Variants in CCDC60 observed in about 807,000 individuals in gnomAD.
CCDC60 encodes coiled-coil domain containing 60, also known as coiled-coil domain-containing protein 60.
In CCDC60, 54 loss-of-function variants were observed where a neutral mutation model predicts 63.5. That is an observed-to-expected ratio of 0.85 (90% CI 0.68 to 1.07). The LOEUF (loss-of-function observed/expected upper bound fraction) is 1.07, where lower values mean the gene tolerates loss of function less well. CCDC60 is among the 50% of genes least tolerant of loss of function. CCDC60 has a pLI of 0.00. For missense variants in CCDC60, 651 were observed against 684.3 expected (o/e 0.95, Z 0.54); for synonymous variants, 206 against 238.8 (o/e 0.86, Z 1.27).
chr12:119,393,537 G>T (rs1184459624), intron 1 of CCDC60, among the ~76,000 whole-genome samples: 1 of 152,192 alleles, frequency 6.6e-6, no homozygotes, highest in Admixed American at 6.5e-5. Context: ...GCATTAAACA[G>T]GGAGCATGTT....
chr12:119,517,164 T>A (rs76981158), intron 8 of CCDC60, among the ~76,000 whole-genome samples: 5 of 151,996 alleles, frequency 3.3e-5, no homozygotes, highest in South Asian at 2.1e-4. Flanking sequence ...ATTTTTTTTT[T>A]ATTATTATTT....
chr12:119,496,364 G>A (rs910882937), intron 5 of CCDC60, among the ~76,000 whole-genome samples: 3 of 152,190 alleles, frequency 2.0e-5, no homozygotes, highest in South Asian at 2.1e-4. Context: ...TGTGCTTGGC[G>A]GATATAGTTA....
At chr12:119,345,132 G>C (rs1955577561) in intron 1 of CCDC60, among the ~76,000 whole-genome samples, 1 of 152,128 alleles carries the variant, frequency 6.6e-6, no homozygotes. Context: ...GTACAATTAA[G>C]ACTTAGATGA....
At chr12:119,503,547 T>C (rs1951910107) in intron 6 of CCDC60, among the ~76,000 whole-genome samples, 1 of 152,222 alleles carries the variant, frequency 6.6e-6, no homozygotes, top group South Asian at 2.1e-4. Flanking sequence ...TTCTGAAGCA[T>C]TCTGTCGTTT....
chr12:119,510,334 A>G (rs1952180024), intron 7 of CCDC60, among the ~76,000 whole-genome samples: 1 of 152,030 alleles, frequency 6.6e-6, no homozygotes, highest in African/African-American at 2.4e-5. Context: ...TAAACAATGC[A>G]CACTCTTGTA....
chr12:119,441,845 A>G (rs1183349171), intron 2 of CCDC60, among the ~76,000 whole-genome samples: 5 of 152,184 alleles, frequency 3.3e-5, no homozygotes, highest in Non-Finnish European at 7.3e-5. Context: ...TAAAGCTGCT[A>G]TGAACACTCT....
intron 1 of CCDC60, among the ~76,000 whole-genome samples, chr12:119,339,909 A>T (rs1256751275): frequency 6.6e-6 from 1 of 152,148 alleles, no homozygotes; most frequent in East Asian, 1.9e-4. Context: ...ACCAACCAAT[A>T]AAAGAGTAGA....
chr12:119,473,034 G>A (rs1481941432), intron 3 of CCDC60, among the ~76,000 whole-genome samples: 1 of 152,112 alleles, frequency 6.6e-6, no homozygotes, highest in Non-Finnish European at 1.5e-5. Flanking sequence ...ACACCTATTC[G>A]GCTAAATTTC....
intron 1 of CCDC60, among the ~76,000 whole-genome samples, chr12:119,415,532 G>C (rs1293036771): frequency 3.9e-5 from 6 of 152,192 alleles, no homozygotes; most frequent in Non-Finnish European, 4.4e-5. Flanking sequence ...TCATGGGATT[G>C]GGTGTGCATT....
At position 119,522,929 on chromosome 12, in the gene CCDC60, T is replaced by C. The variant is rs758478048; in HGVS notation, c.1041-10T>C. 2 of 1,613,656 alleles carry C rather than the reference T, an allele frequency of 1.2e-6. No homozygotes were observed. Among genetic ancestry groups the C allele is most frequent in the Non-Finnish European group, 1.7e-6 (2 of 1,179,584 alleles). ...TCTGAGCAACTTGAAACCATCCTTT[T>C]GTGTTTCAGTGAGAGATCCAGCAGT... On this transcript the variant is annotated splice_polypyrimidine_tract_variant and intron_variant, in intron 9 of 13. Coordinates refer to ENST00000327554, the MANE Select transcript of CCDC60 (RefSeq NM_178499.5).
At chr12:119,422,816 A>G (rs900699115) in intron 1 of CCDC60, among the ~76,000 whole-genome samples, 9 of 152,100 alleles carry the variant, frequency 5.9e-5, no homozygotes, top group South Asian at 2.1e-4. Flanking sequence ...CTGATTTTCT[A>G]TTAGGTTGGT....
chr12:119,361,195 A>G, intron 1 of CCDC60, among the ~76,000 whole-genome samples: 1 of 74,700 alleles, frequency 1.3e-5, no homozygotes, highest in African/African-American at 5.6e-5. Context: ...AGGGAGAGGG[A>G]GACGAGAGGG....
At chr12:119,458,770 A>G (rs1950796215) in intron 2 of CCDC60, among the ~76,000 whole-genome samples, 2 of 144,428 alleles carry the variant, frequency 1.4e-5, no homozygotes, top group Admixed American at 6.7e-5. Flanking sequence ...TTTTTGAGAC[A>G]GAATCTCACT....
Position 119,456,060 on chromosome 12 carries a change from A to AAAGCAAGCAAGC in CCDC60, c.171-15932_171-15921dup, listed in dbSNP as rs77318681. On this transcript the variant is annotated intron_variant, in intron 2 of 13. Transcript: ENST00000327554. The surrounding 1 kb of genome is among the most constrained non-coding windows in gnomAD (Gnocchi z 4.6). The stretch of plus-strand genomic sequence containing the variant: ...GAAAGAAAGAAAGAAAGAAAGAAAG[A>AAAGCAAGCAAGC]AAGCAAGCAAGCATGTGCAATTTCA... Among the ~76,000 whole-genome samples the AAAGCAAGCAAGC allele has an allele frequency of 5.2e-3, 619 of 118,804 alleles. 20 individuals are homozygous for AAAGCAAGCAAGC. The highest frequency in any genetic ancestry group is 0.034 in the East Asian group (123 of 3,654). The allele number at this position is 118,804 out of a possible 152,430, so 77.9% of individuals were successfully genotyped here.
intron 4 of CCDC60, among the ~76,000 whole-genome samples, chr12:119,482,009 A>ATATATATGTATATATATATGTATATATAT (rs774808817): frequency 4.9e-5 from 2 of 40,634 alleles, no homozygotes; most frequent in African/African-American, 1.2e-4. Context: ...TATATATAGT[A>ATATATATGTATATATATATGTATATATAT]TATATATATG....
chr12:119,514,560 A>C (rs1952303371), intron 7 of CCDC60, among the ~76,000 whole-genome samples: 1 of 152,204 alleles, frequency 6.6e-6, no homozygotes, highest in South Asian at 2.1e-4. Flanking sequence ...GAACAAGGAT[A>C]TTAAAAAAGA....
chr12:119,426,819 A>G (rs1254716893), intron 1 of CCDC60, among the ~76,000 whole-genome samples: 1 of 152,122 alleles, frequency 6.6e-6, no homozygotes, highest in Non-Finnish European at 1.5e-5. Flanking sequence ...TCCTTCCTCC[A>G]CTTCATCTCC....
chr12:119,464,289 T>G lies in CCDC60; in HGVS notation c.171-7705T>G, dbSNP rs368546998. On this transcript the variant is annotated intron_variant, in intron 2 of 13. Transcript: ENST00000327554. ...CACGTAATATTTTGCCAGAGTTGGG[T>G]TGCAAGAGCAACCCCCCCCCCACTC... is the stretch of plus-strand genomic sequence containing the variant. Among the ~76,000 whole-genome samples the G allele has an allele frequency of 8.2e-4, 110 of 134,828 alleles. 7 individuals are homozygous for G. The highest frequency in any genetic ancestry group is 1.4e-3 in the Admixed American group (19 of 13,330). The allele number at this position is 134,828 out of a possible 152,430, so 88.5% of individuals were successfully genotyped here.
intron 7 of CCDC60, among the ~76,000 whole-genome samples, chr12:119,509,644 A>AATGTTG (rs1555253990): frequency 6.6e-6 from 1 of 150,824 alleles, no homozygotes; most frequent in Non-Finnish European, 1.5e-5. Context: ...TTTTCTTTAG[A>AATGTTG]ATGATGATGA....
Sources: allele counts gnomAD v4.1 joint callset (sites outside exome capture counted in the v4.1 genomes callset), GRCh38; gene constraint gnomAD v4.1.1; non-coding constraint Gnocchi (gnomAD v3.1); transcripts MANE v1.5; gene names NCBI Gene and HGNC (gene_info 2026-07-23, HGNC 2026-07-21).